The following VIPR1 variants were observed in gnomAD, a reference collection of about 807,000 sequenced individuals.
VIPR1 encodes vasoactive intestinal peptide receptor 1.
A neutral mutation model predicts 58.8 loss-of-function variants in VIPR1; 59 were observed. The observed-to-expected ratio is 1.00, with a 90% CI of 0.81 to 1.25. VIPR1 has a LOEUF of 1.25. Among genes scored for constraint, VIPR1 ranks in the 50% most tolerant of loss-of-function variants. The probability of loss-of-function intolerance (pLI) is 0.00; values close to 1 mark genes in which losing one functional copy is unlikely to be tolerated. For synonymous variants in VIPR1, 251 were observed against 242.1 expected, an observed-to-expected ratio of 1.04 and a Z score of -0.34; for missense variants, 626 against 602.7, an observed-to-expected ratio of 1.04 and a Z score of -0.40.
intron 1 of VIPR1, chr3:42,513,525 G>A (rs577805099): frequency 2.1e-4 from 107 of 515,484 alleles, no homozygotes; most frequent in African/African-American, 8.2e-4. Context: ...ACTAATGGGG[G>A]AGCCATCAAG....
chr3:42,496,138 G>A (rs1282947396), intron 1 of VIPR1, among the ~76,000 whole-genome samples: 1 of 152,162 alleles, frequency 6.6e-6, no homozygotes, highest in Non-Finnish European at 1.5e-5. Flanking sequence ...TCGGGAGGCT[G>A]AAGCAGGAGA....
intron 6 of VIPR1, chr3:42,528,356 C>T (rs1246716812): frequency 1.0e-5 from 6 of 574,560 alleles, no homozygotes; most frequent in South Asian, 2.4e-5. Flanking sequence ...ACAGACCTGC[C>T]GCCGCCAGTG....
chr3:42,490,002 T>G (rs962887053), intron 1 of VIPR1, among the ~76,000 whole-genome samples: 9 of 151,938 alleles, frequency 5.9e-5, no homozygotes, highest in African/African-American at 1.7e-4. Context: ...GCGAAGCCCT[T>G]CCTCTGATCT....
chr3:42,536,212 C>T lies in VIPR1; in HGVS notation c.1305C>T (p.Ser435=). The change falls in exon 13 of 13, where the codon TCC becomes TCT. Residue 435 remains serine (S), a synonymous_variant. Coordinates refer to ENST00000325123, the MANE Select transcript of VIPR1 (RefSeq NM_004624.4). ...GCGCCACGTGCAGCACGCAGGTTTC[C>T]ATGCTGACCCGCGTCAGCCCAGGTG... is the stretch of plus-strand genomic sequence containing the variant. ...SNGATCSTQV[S]MLTRVSPGAR... is the part of the protein sequence containing the mutation. The T allele has an allele frequency of 1.9e-6, 3 of 1,593,314 alleles. No individual in the cohort carries two copies. The highest frequency in any genetic ancestry group is 2.6e-6 in the Non-Finnish European group (3 of 1,171,402).
Position 42,531,482 on chromosome 3 carries a change from A to C in VIPR1, c.802A>C (p.Thr268Pro). The C allele has an allele frequency of 6.3e-7, 1 of 1,586,308 alleles. No homozygotes were observed. The highest frequency in any genetic ancestry group is 2.3e-5 in the East Asian group (1 of 43,774). Reference protein sequence around the residue: ...YILIGWGVPSTFTMVWTIARI... With the variant: ...YILIGWGVPSPFTMVWTIARI... ...CCTGGGCCTGACAGGGGTACCCAGC[A>C]CATTCACCATGGTGTGGACCATCGC... Residue 268 changes from threonine (T) to proline (P), a missense_variant, in exon 8 of 13, where the codon ACA becomes CCA. By Grantham distance (38) the Thr-to-Pro change is conservative. Transcript: ENST00000325123.
intron 11 of VIPR1, 88 bp from the exon 12 acceptor site, chr3:42,535,255 G>A (rs1701783916): frequency 6.3e-7 from 1 of 1,598,390 alleles, no homozygotes; most frequent in South Asian, 1.1e-5. Context: ...CCTTAACCAG[G>A]GGAACACAGG....
chr3:42,501,909 G>A (rs1207966723), upstream of VIPR1: 1 of 152,212 alleles, frequency 6.6e-6, no homozygotes, highest in Non-Finnish European at 1.5e-5. The surrounding 1 kb of genome is among the most constrained non-coding windows in gnomAD (Gnocchi z 4.8). Flanking sequence ...CGAGGGTGCG[G>A]ACACCTCATC....
At chr3:42,523,790 T>C (rs557047610) in intron 3 of VIPR1, among the ~76,000 whole-genome samples, 35 of 152,242 alleles carry the variant, frequency 2.3e-4, no homozygotes, top group Non-Finnish European at 4.6e-4. Context: ...GTGTCCCAGC[T>C]TCAAGGCTGG....
chr3:42,530,491 G>T (rs1267823596), intron 6 of VIPR1: 2 of 359,046 alleles, frequency 5.6e-6, no homozygotes, highest in Non-Finnish European at 1.0e-5. Context: ...ACATGGATAG[G>T]TGGGTAGATG....
At chr3:42,521,853 T>C (rs1577231764) in intron 3 of VIPR1, among the ~76,000 whole-genome samples, 1 of 151,278 alleles carries the variant, frequency 6.6e-6, no homozygotes, top group African/African-American at 2.4e-5. Context: ...GTTCAAGCAA[T>C]TCTCCTGCCT....
At chr3:42,530,552 T>C (rs759742753) in intron 6 of VIPR1, 31 of 522,580 alleles carry the variant, frequency 5.9e-5, no homozygotes, top group Non-Finnish European at 8.2e-5. Flanking sequence ...AATAGATGAA[T>C]TGATGGATGG....
Position 42,502,809 on chromosome 3 carries a change from CGGCGGTGAGTGTT to C in VIPR1, c.75_78+9del. On this transcript the variant is annotated splice_donor_variant and splice_donor_5th_base_variant and coding_sequence_variant and intron_variant, in exon 1 of 13. Transcript: ENST00000325123. LOFTEE classifies it high-confidence loss of function. Reference sequence around the variant, plus strand: ...GGCGCCCTCGCCTGGGCCCTTGGGCCGGCGGTGAGTGTTCGCCCGGCCGCCCAGAGTCCCGGCA... The same window carrying C: ...GGCGCCCTCGCCTGGGCCCTTGGGCCCGCCCGGCCGCCCAGAGTCCCGGCA... 8.0e-7 allele frequency: 1 copy of C among 1,254,200 alleles called. No homozygotes were observed. Among genetic ancestry groups the C allele is most frequent in the Non-Finnish European group, 1.0e-6 (1 of 1,000,246 alleles). 77.7% of individuals were successfully genotyped at this position (1,254,200 alleles called of 1,614,324 possible). A position where few individuals can be genotyped will look rare whatever the true frequency, so the allele number is the denominator to read the frequency against.
chr3:42,513,916 C>A (rs1176517259), intron 2 of VIPR1, 62 bp downstream of exon 2: 2 of 1,505,798 alleles, frequency 1.3e-6, no homozygotes, highest in African/African-American at 2.8e-5. Context: ...TTCCTCATGT[C>A]TCAAGCTGAG....
At chr3:42,492,807 C>A (rs1037216993) in intron 1 of VIPR1, among the ~76,000 whole-genome samples, 1 of 152,218 alleles carries the variant, frequency 6.6e-6, no homozygotes, top group African/African-American at 2.4e-5. Context: ...CACCTCCCAC[C>A]TCAGGAAGGG....
At chr3:42,498,492 A>C (rs932783003), upstream of VIPR1, among the ~76,000 whole-genome samples, 20 of 152,042 alleles carry the variant, frequency 1.3e-4, no homozygotes, top group Non-Finnish European at 2.2e-4. Flanking sequence ...CCACCTTAGC[A>C]TTTGCTCACT....
chr3:42,499,482 G>A (rs979470773), upstream of VIPR1, among the ~76,000 whole-genome samples: 1 of 152,222 alleles, frequency 6.6e-6, no homozygotes, highest in Non-Finnish European at 1.5e-5. Context: ...CGTGTCCTTG[G>A]CACCCATGTG....
Position 42,536,287 on chromosome 3 carries a change from A to G in VIPR1, c.*6A>G. 1 of 1,538,242 alleles carries G rather than the reference A, an allele frequency of 6.5e-7. No homozygotes were observed. ...CCGAAGTCTCCCTGGTCTGACCACCAGGATCCCAGGGGCCCAAGGCGGCCC... is the reference window on the plus strand; with the variant it reads ...CCGAAGTCTCCCTGGTCTGACCACCGGGATCCCAGGGGCCCAAGGCGGCCC... On this transcript the variant is annotated 3_prime_UTR_variant, in exon 13 of 13. Coordinates refer to ENST00000325123, the MANE Select transcript of VIPR1 (RefSeq NM_004624.4).
At chr3:42,501,601 GC>G (rs1307036351), upstream of VIPR1, among the ~76,000 whole-genome samples, 1 of 152,228 alleles carries the variant, frequency 6.6e-6, no homozygotes, top group Admixed American at 6.5e-5. This position sits in a 1 kb window ranked among gnomAD's most constrained non-coding sequence, Gnocchi z 4.8. Context: ...TGGTGACCCC[GC>G]TCCCCATGCC....
intron 2 of VIPR1, among the ~76,000 whole-genome samples, chr3:42,514,328 A>T (rs1186537977): frequency 6.6e-6 from 1 of 152,126 alleles, no homozygotes; most frequent in African/African-American, 2.4e-5. Flanking sequence ...CAGAGGAAGA[A>T]GAGGCACATT....
Sources: allele counts gnomAD v4.1 joint callset (sites outside exome capture counted in the v4.1 genomes callset), GRCh38; gene constraint gnomAD v4.1.1; non-coding constraint Gnocchi (gnomAD v3.1); transcripts MANE v1.5; gene names NCBI Gene and HGNC (gene_info 2026-07-23, HGNC 2026-07-21).